Variants in DGKB observed in about 807,000 individuals in gnomAD.
DGKB encodes 90 kDa diacylglycerol kinase.
In DGKB, 67 loss-of-function variants were observed where a neutral mutation model predicts 114.3. The ratio of observed to expected loss-of-function variants is 0.59; its 90% confidence interval spans 0.48 to 0.72. DGKB has a LOEUF of 0.72. Ranked by LOEUF, DGKB falls within the 30% of genes least tolerant of loss-of-function variation. DGKB has a pLI of 0.00. For synonymous variants in DGKB, 398 were observed against 323.1 expected, an observed-to-expected ratio of 1.23 and a Z score of -2.49; for missense variants, 907 against 975.2, an observed-to-expected ratio of 0.93 and a Z score of 0.93.
intron 1 of DGKB, among the ~76,000 whole-genome samples, chr7:14,936,206 G>A (rs745841588): frequency 1.4e-4 from 22 of 152,158 alleles, no homozygotes; most frequent in African/African-American, 3.6e-4. Context: ...AAACAAGAAC[G>A]TAGAAAAGTG....
chr7:14,694,089 G>A lies in DGKB; in HGVS notation c.697C>T (p.Leu233=). Residue 233 remains leucine, a synonymous_variant, in exon 9 of 26, where the codon CTG becomes TTG. Coordinates refer to ENST00000402815, the MANE Select transcript of DGKB (RefSeq NM_001350709.2). Reference sequence around the variant, plus strand: ...GAAATGCTTACATTTTCTAAGCCCAGGAGCACAAGAAGTGGAATCGTTGTC... The same window carrying A: ...GAAATGCTTACATTTTCTAAGCCCAAGAGCACAAGAAGTGGAATCGTTGTC... ...GMTTIPLLVL[L]GLENNVKDDG... is the part of the protein sequence containing the mutation. 6.3e-7 allele frequency: 1 copy of A among 1,589,346 alleles called. No homozygotes were observed. The highest frequency in any genetic ancestry group is 8.6e-7 in the Non-Finnish European group (1 of 1,166,130).
At chr7:14,858,152 A>C (rs1850452308) in intron 1 of DGKB, among the ~76,000 whole-genome samples, 1 of 152,196 alleles carries the variant, frequency 6.6e-6, no homozygotes, top group Non-Finnish European at 1.5e-5. Flanking sequence ...AACAATCAGC[A>C]GTTTAAAAAC....
chr7:14,169,155 C>G (rs983786889), intron 25 of DGKB, among the ~76,000 whole-genome samples: 14 of 150,798 alleles, frequency 9.3e-5, no homozygotes, highest in Admixed American at 2.6e-4. Context: ...GTCAGGAGAT[C>G]AAGACCACCC....
At chr7:14,923,441 CAA>C (rs1436257957) in intron 1 of DGKB, among the ~76,000 whole-genome samples, 3 of 152,102 alleles carry the variant, frequency 2.0e-5, no homozygotes, top group Non-Finnish European at 4.4e-5. Context: ...GATTTTTAAA[CAA>C]GTCACTTTTC....
chr7:14,585,686 G>A (rs1409955904), intron 17 of DGKB, among the ~76,000 whole-genome samples: 2 of 152,274 alleles, frequency 1.3e-5, no homozygotes, highest in African/African-American at 4.8e-5. Flanking sequence ...CAACTTGAAT[G>A]TCTGTGGCAA....
rs374062255 is a variant in DGKB at position 14,583,131 on chromosome 7, G to C, written c.1440C>G (p.Asn480Lys). ...LSGNGPMPGL[N>K]FFRDVPDFRV... ...TGAAGTCAGGAACATCACGGAAAAA[G>C]TTTAACCTGAAAAATAAGCATGTTA... Residue 480 changes from asparagine to lysine, a missense_variant, in exon 18 of 26, where the codon AAC (asparagine) becomes AAG (lysine). Around this residue, in one of 3 missense-constraint regions of DGKB, gnomAD observed 814 missense variants for 856.6 expected, o/e 0.95. Coordinates refer to ENST00000402815, the MANE Select transcript of DGKB (RefSeq NM_001350709.2). 6.2e-7 allele frequency: 1 copy of C among 1,608,372 alleles called. No homozygotes were observed. The highest frequency in any genetic ancestry group is 8.5e-7 in the Non-Finnish European group (1 of 1,176,598).
rs1037227257 is a variant in DGKB at position 14,147,474 on chromosome 7, T to C, written c.*1657A>G. The C allele has an allele frequency of 2.6e-5, 4 of 152,280 alleles. No individual in the cohort carries two copies. Among genetic ancestry groups the C allele is most frequent in the South Asian group, 2.1e-4 (1 of 4,830 alleles). 9.4% of individuals were successfully genotyped at this position (152,280 alleles called of 1,614,324 possible). On this transcript the variant is annotated 3_prime_UTR_variant, in exon 26 of 26. Transcript: ENST00000402815. The stretch of plus-strand genomic sequence containing the variant: ...AGCTATTTGATATAACAGCATTCAG[T>C]TGAGTTTTCAAACCAAAGAACTAAA...
chr7:14,513,247 C>T (rs766714940), intron 20 of DGKB, among the ~76,000 whole-genome samples: 9 of 151,890 alleles, frequency 5.9e-5, no homozygotes, highest in Non-Finnish European at 1.2e-4. Context: ...TAGGTTTGAC[C>T]ATATTCAGGT....
rs182646052 is a variant in DGKB at position 14,220,679 on chromosome 7, G to A, written c.2123-42528C>T. ...AAAGAAGCCAGCTAGGATTCTGATAGTGATTGCATTGAATCTGTAGATCAA... is the reference window on the plus strand; with the variant it reads ...AAAGAAGCCAGCTAGGATTCTGATAATGATTGCATTGAATCTGTAGATCAA... On this transcript the variant is annotated intron_variant, in intron 23 of 25. Coordinates refer to ENST00000402815, the MANE Select transcript of DGKB (RefSeq NM_001350709.2). 1.6e-4 allele frequency among the ~76,000 whole-genome samples: 25 copies of A among 151,662 alleles called. No individual in the cohort carries two copies. In the East Asian group the frequency reaches 4.9e-3, roughly 29 times the overall value.
chr7:14,528,306 T>C (rs1790978681), intron 20 of DGKB, among the ~76,000 whole-genome samples: 1 of 152,080 alleles, frequency 6.6e-6, no homozygotes, highest in Non-Finnish European at 1.5e-5. Context: ...TTTCTATAAC[T>C]GAGTCATGAA....
intron 2 of DGKB, among the ~76,000 whole-genome samples, chr7:14,835,897 A>G (rs965157973): frequency 1.3e-5 from 2 of 152,128 alleles, no homozygotes; most frequent in African/African-American, 4.8e-5. Flanking sequence ...AAACAGCAAT[A>G]ATTTGTCTCC....
At chr7:14,750,619 G>A (rs1833962314) in intron 4 of DGKB, among the ~76,000 whole-genome samples, 1 of 151,774 alleles carries the variant, frequency 6.6e-6, no homozygotes, top group African/African-American at 2.4e-5. Context: ...GCTACTGGAG[G>A]TATTTTTCTA....
intron 9 of DGKB, among the ~76,000 whole-genome samples, chr7:14,687,234 C>T (rs927134294): frequency 6.6e-6 from 1 of 152,142 alleles, no homozygotes; most frequent in Non-Finnish European, 1.5e-5. Flanking sequence ...CCTCTGGCAG[C>T]ATCCATAAAA....
At chr7:14,333,646 G>T (rs76040400) in intron 23 of DGKB, among the ~76,000 whole-genome samples, 2,385 of 152,076 alleles carry the variant, frequency 0.016, 62 homozygotes, top group African/African-American at 0.053. Context: ...TTGCTTCTCA[G>T]CCATGTTGAA....
At chr7:14,375,636 C>T (rs1296881518) in intron 21 of DGKB, among the ~76,000 whole-genome samples, 1 of 152,210 alleles carries the variant, frequency 6.6e-6, no homozygotes, top group Non-Finnish European at 1.5e-5. Flanking sequence ...TCGAATGTCA[C>T]CTTCTCAGGT....
chr7:14,380,028 A>G (rs1364632954), intron 21 of DGKB, among the ~76,000 whole-genome samples: 1 of 152,178 alleles, frequency 6.6e-6, no homozygotes, highest in Non-Finnish European at 1.5e-5. Flanking sequence ...GTCCAGCTGA[A>G]GTGCTGGTGG....
At chr7:14,597,093 A>T (rs2128754947) in intron 17 of DGKB, among the ~76,000 whole-genome samples, 1 of 152,250 alleles carries the variant, frequency 6.6e-6, no homozygotes, top group South Asian at 2.1e-4. Context: ...AAAATATGAC[A>T]GCTACTCGGG....
intron 2 of DGKB, among the ~76,000 whole-genome samples, chr7:14,805,980 T>C (rs1306091289): frequency 6.6e-6 from 1 of 151,472 alleles, no homozygotes; most frequent in Non-Finnish European, 1.5e-5. Flanking sequence ...TCTAAAAATT[T>C]TCAAGTAATA....
intron 21 of DGKB, among the ~76,000 whole-genome samples, chr7:14,476,911 C>A (rs1004599172): frequency 1.3e-5 from 2 of 151,928 alleles, no homozygotes; most frequent in East Asian, 1.9e-4. Context: ...CCCACCACCA[C>A]GCCCTCATTT....
Sources: gnomAD v4.1 joint callset for allele counts (sites outside exome capture counted in the v4.1 genomes callset) on GRCh38, gnomAD v4.1.1 for gene constraint, gnomAD v4.1.1 regional missense constraint, MANE v1.5 for transcripts, NCBI Gene and HGNC (gene_info 2026-07-23, HGNC 2026-07-21) for gene names.